APBA2: variants seen among roughly 807,000 people sequenced by gnomAD.
APBA2 encodes amyloid-beta A4 precursor protein-binding family A member 2.
A neutral mutation model predicts 75.0 loss-of-function variants in APBA2; 30 were observed. The observed-to-expected ratio is 0.40, with a 90% CI of 0.30 to 0.54. APBA2 has a LOEUF of 0.54. APBA2 is among the 20% of genes least tolerant of loss of function. The pLI is 0.49. For synonymous variants in APBA2, 444 were observed against 409.6 expected (o/e 1.08, Z -1.01); for missense variants, 801 against 1,016.1 (o/e 0.79, Z 2.88).
chr15:29,105,625 A>G, intron 11 of APBA2, 67 bp downstream of exon 11: 1 of 1,580,042 alleles, frequency 6.3e-7, no homozygotes, highest in South Asian at 1.1e-5. Context: ...GCTCCTGCAG[A>G]GCGAGCCTTC....
intron 3 of APBA2, among the ~76,000 whole-genome samples, chr15:29,007,953 A>G (rs895124889): frequency 1.3e-5 from 2 of 152,240 alleles, no homozygotes; most frequent in African/African-American, 2.4e-5. Flanking sequence ...ATGATTCACA[A>G]TAGTCAAGGG....
At chr15:28,889,181 G>A (rs1374824072) in intron 1 of APBA2, among the ~76,000 whole-genome samples, 2 of 152,208 alleles carry the variant, frequency 1.3e-5, no homozygotes, top group African/African-American at 4.8e-5. Flanking sequence ...CACAGGCTGA[G>A]TCAGCTGTCG....
intron 1 of APBA2, among the ~76,000 whole-genome samples, chr15:28,886,546 C>T (rs1452879640): frequency 1.3e-5 from 2 of 150,430 alleles, no homozygotes; most frequent in African/African-American, 5.0e-5. Flanking sequence ...CGGCGGCTCT[C>T]GCATCCCGCG....
Position 28,918,036 on chromosome 15 carries a change from C to T in APBA2, c.-204-3604C>T, listed in dbSNP as rs1300902649. On this transcript the variant is annotated intron_variant, in intron 1 of 14. Transcript: ENST00000683413. The surrounding 1 kb of genome is among the most constrained non-coding windows in gnomAD (Gnocchi z 4.2). ...CCACTGTGGGGCAAGGAAGCTGCCC[C>T]CAGTCGGTCCCCGAGGATTCTGCCC... Among the ~76,000 whole-genome samples, 2 of 152,234 alleles carry T rather than the reference C, an allele frequency of 1.3e-5. No individual in the cohort carries two copies. Among genetic ancestry groups the T allele is most frequent in the Admixed American group, 1.3e-4 (2 of 15,288 alleles).
intron 2 of APBA2, among the ~76,000 whole-genome samples, chr15:28,962,028 T>C (rs750694329): frequency 6.6e-6 from 1 of 152,148 alleles, no homozygotes; most frequent in Non-Finnish European, 1.5e-5. Context: ...TTGAAGATGA[T>C]GAATTTGTTT....
chr15:28,999,203 A>G (rs1357475299), intron 3 of APBA2, among the ~76,000 whole-genome samples: 1 of 151,980 alleles, frequency 6.6e-6, no homozygotes, highest in African/African-American at 2.4e-5. Context: ...TAAAATACAT[A>G]GAAGATTTTT....
At chr15:29,034,370 C>G (rs2040640159) in intron 3 of APBA2, among the ~76,000 whole-genome samples, 1 of 152,172 alleles carries the variant, frequency 6.6e-6, no homozygotes, top group South Asian at 2.1e-4. Context: ...TGGAACGCAC[C>G]ACGAATAACA....
chr15:28,939,997 G>A (rs1416903009), intron 2 of APBA2, among the ~76,000 whole-genome samples: 3 of 152,234 alleles, frequency 2.0e-5, no homozygotes, highest in Admixed American at 6.5e-5. Context: ...GCCCTACAAA[G>A]TGGGAAGAGA....
chr15:29,065,543 C>G (rs16955030), intron 4 of APBA2, among the ~76,000 whole-genome samples: 8,406 of 152,154 alleles, frequency 0.055, 772 homozygotes, highest in African/African-American at 0.19. Context: ...ATGGGCAGCT[C>G]AAGAAAACTA....
intron 1 of APBA2, among the ~76,000 whole-genome samples, chr15:28,912,184 G>A (rs1291660683): frequency 1.3e-5 from 2 of 152,170 alleles, no homozygotes; most frequent in Non-Finnish European, 2.9e-5. Flanking sequence ...GCCAGGAAGT[G>A]TTTCCAGTTT....
chr15:28,999,965 C>T (rs1172890252), intron 3 of APBA2, among the ~76,000 whole-genome samples: 1 of 152,118 alleles, frequency 6.6e-6, no homozygotes, highest in Non-Finnish European at 1.5e-5. Context: ...GCAGAGAAGA[C>T]CAATGTCCCA....
intron 8 of APBA2, among the ~76,000 whole-genome samples, chr15:29,094,987 A>G (rs2043780647): frequency 6.6e-6 from 1 of 151,634 alleles, no homozygotes; most frequent in South Asian, 2.1e-4. Flanking sequence ...GGAGCACTTG[A>G]GCCTGGGAGT....
intron 13 of APBA2, 136 bp from the exon 14 acceptor site, chr15:29,113,740 G>C: frequency 9.2e-7 from 1 of 1,089,940 alleles, no homozygotes; most frequent in Admixed American, 1.9e-5. Context: ...ATCTCTGTCT[G>C]TGAGTCAGCG....
chr15:29,017,065 G>A (rs1487151530), intron 3 of APBA2, among the ~76,000 whole-genome samples: 3 of 152,122 alleles, frequency 2.0e-5, no homozygotes, highest in Non-Finnish European at 4.4e-5. Flanking sequence ...TGGGTCCCGG[G>A]TACCCCTGAT....
chr15:28,913,053 A>G (rs1424342541), intron 1 of APBA2, among the ~76,000 whole-genome samples: 1 of 152,216 alleles, frequency 6.6e-6, no homozygotes, highest in African/African-American at 2.4e-5. Context: ...GACAGGGACC[A>G]TTGCGTTTTG....
At chr15:29,109,239 C>T (rs2044602134) in intron 13 of APBA2, among the ~76,000 whole-genome samples, 1 of 152,158 alleles carries the variant, frequency 6.6e-6, no homozygotes, top group African/African-American at 2.4e-5. Flanking sequence ...GAAGGACTAC[C>T]AAATCTTCTC....
intron 3 of APBA2, among the ~76,000 whole-genome samples, chr15:29,038,021 AG>A (rs2040832015): frequency 6.6e-6 from 1 of 152,248 alleles, no homozygotes; most frequent in African/African-American, 2.4e-5. Flanking sequence ...ACCATAGCAG[AG>A]GGACTGCCTT....
At position 28,918,400 on chromosome 15, in the gene APBA2, T is replaced by C. The variant is rs372358061; in HGVS notation, c.-204-3240T>C. On this transcript the variant is annotated intron_variant, in intron 1 of 14. Coordinates refer to ENST00000683413, the MANE Select transcript of APBA2 (RefSeq NM_001353788.2). The surrounding 1 kb of genome is among the most constrained non-coding windows in gnomAD (Gnocchi z 4.2). ...AGGGAGAGGGACACAGGAGCAGCCT[T>C]GATGCGCAACGCCCCCTCCAGGCCC... Among the ~76,000 whole-genome samples, 7 of 152,092 alleles carry C rather than the reference T, an allele frequency of 4.6e-5. No homozygotes were observed. The highest frequency in any genetic ancestry group is 1.9e-4 in the East Asian group (1 of 5,170).
At chr15:28,984,208 G>C (rs1301240611) in intron 2 of APBA2, among the ~76,000 whole-genome samples, 3 of 152,108 alleles carry the variant, frequency 2.0e-5, no homozygotes, top group Non-Finnish European at 4.4e-5. Flanking sequence ...TTATTATTCG[G>C]GACTCTGAGT....
Sources: allele counts gnomAD v4.1 joint callset (sites outside exome capture counted in the v4.1 genomes callset), GRCh38; gene constraint gnomAD v4.1.1; non-coding constraint Gnocchi (gnomAD v3.1); transcripts MANE v1.5; gene names NCBI Gene and HGNC (gene_info 2026-07-23, HGNC 2026-07-21).